Variants in CDH22 observed in about 807,000 individuals in gnomAD.
CDH22 encodes cadherin 22.
In CDH22, 30 loss-of-function variants were observed where a neutral mutation model predicts 58.4. The observed-to-expected ratio is 0.51, with a 90% CI of 0.38 to 0.70. The LOEUF (loss-of-function observed/expected upper bound fraction) is 0.70. CDH22 is among the 30% of genes least tolerant of loss of function. The pLI is 0.00. For missense variants in CDH22, 1,014 were observed against 1,233.9 expected, an observed-to-expected ratio of 0.82 and a Z score of 2.67; for synonymous variants, 513 against 558.2, an observed-to-expected ratio of 0.92 and a Z score of 1.14.
At chr20:46,217,057 C>G in intron 4 of CDH22, 64 bp from the exon 5 acceptor site, 1 of 1,505,762 alleles carries the variant, frequency 6.6e-7, no homozygotes, top group Non-Finnish European at 9.0e-7. Context: ...GTGGAGACCC[C>G]TGTACAGGCG....
At chr20:46,263,550 C>T (rs1427268232) in intron 1 of CDH22, among the ~76,000 whole-genome samples, 1 of 152,020 alleles carries the variant, frequency 6.6e-6, no homozygotes. Context: ...CAAGGAGCCC[C>T]CACATTTATA....
chr20:46,204,841 C>T (rs946166031), intron 7 of CDH22, among the ~76,000 whole-genome samples: 14 of 152,070 alleles, frequency 9.2e-5, no homozygotes, highest in African/African-American at 2.9e-4. Flanking sequence ...CTGGGGTGCA[C>T]GTGTGGTTTT....
chr20:46,185,274 C>T (rs888791628), intron 10 of CDH22, among the ~76,000 whole-genome samples: 2 of 152,096 alleles, frequency 1.3e-5, no homozygotes, highest in African/African-American at 2.4e-5. Context: ...CTGCCCCCTT[C>T]CCTCAGTCTA....
At chr20:46,259,183 A>G (rs1325179072) in intron 1 of CDH22, among the ~76,000 whole-genome samples, 2 of 152,236 alleles carry the variant, frequency 1.3e-5, no homozygotes, top group African/African-American at 4.8e-5. Context: ...GATGATGGAA[A>G]CCTAAAGACA....
chr20:46,174,166 C>A lies in CDH22; in HGVS notation c.*340G>T. The stretch of plus-strand genomic sequence containing the variant: ...TGGGGGCATCTCAGCGGCGTGCTCC[C>A]TCCAGCATTCTCCCCCAGGCCAGGA... On this transcript the variant is annotated 3_prime_UTR_variant, in exon 12 of 12. Transcript: ENST00000537909. This position sits in a 1 kb window ranked among gnomAD's most constrained non-coding sequence, Gnocchi z 4.4. The A allele has an allele frequency of 2.8e-6, 1 of 351,866 alleles. No individual in the cohort carries two copies. Among genetic ancestry groups the A allele is most frequent in the Admixed American group, 5.1e-5 (1 of 19,632 alleles). 21.8% of individuals were successfully genotyped at this position (351,866 alleles called of 1,614,324 possible).
At chr20:46,198,997 G>A (rs1478497328) in intron 8 of CDH22, among the ~76,000 whole-genome samples, 1 of 152,008 alleles carries the variant, frequency 6.6e-6, no homozygotes. Flanking sequence ...TATTATGTCC[G>A]TGCTTTCTCT....
rs957475200 is a variant in CDH22, at chr20:46,211,096, G to A, written c.1033-536C>T. On this transcript the variant is annotated intron_variant, in intron 6 of 11. Coordinates refer to ENST00000537909, the MANE Select transcript of CDH22 (RefSeq NM_021248.3). ...TAATGTGAGTTGAGCCCGATAAGCC[G>A]GGCTGCCTTAGAGCTTTCCTCTGAG... Among the ~76,000 whole-genome samples, 12 of 152,294 alleles carry A rather than the reference G, an allele frequency of 7.9e-5. No individual in the cohort carries two copies. In the East Asian group the frequency reaches 1.4e-3, roughly 17 times the overall value.
intron 1 of CDH22, among the ~76,000 whole-genome samples, chr20:46,254,511 T>C (rs1430513896): frequency 7.2e-6 from 1 of 139,852 alleles, no homozygotes; most frequent in Non-Finnish European, 1.5e-5. Flanking sequence ...GCCAAGACCA[T>C]GCCACTGCCC....
chr20:46,273,743 G>A (rs2086503849), intron 1 of CDH22, among the ~76,000 whole-genome samples: 1 of 152,216 alleles, frequency 6.6e-6, no homozygotes, highest in South Asian at 2.1e-4. Context: ...CTGCATCTTG[G>A]CAGATGAGCC....
chr20:46,299,118 C>A (rs73908675), intron 1 of CDH22, among the ~76,000 whole-genome samples: 3,643 of 152,284 alleles, frequency 0.024, 150 homozygotes, highest in African/African-American at 0.083. Flanking sequence ...TGGAGCTCCA[C>A]GCATCTGAAT....
At chr20:46,204,498 A>G (rs545915889) in intron 7 of CDH22, among the ~76,000 whole-genome samples, 1 of 152,002 alleles carries the variant, frequency 6.6e-6, no homozygotes, top group East Asian at 1.9e-4. Flanking sequence ...GAAATCCTTA[A>G]GATGGTTCTT....
At chr20:46,195,411 A>G (rs1366851777) in intron 8 of CDH22, among the ~76,000 whole-genome samples, 1 of 152,228 alleles carries the variant, frequency 6.6e-6, no homozygotes, top group Non-Finnish European at 1.5e-5. Context: ...TGAAGGGAAA[A>G]GCAGGGTGCT....
intron 7 of CDH22, among the ~76,000 whole-genome samples, chr20:46,206,382 C>T (rs1466291875): frequency 6.6e-6 from 1 of 152,192 alleles, no homozygotes; most frequent in African/African-American, 2.4e-5. Flanking sequence ...ACATGAGGCA[C>T]CTTCTACTAT....
intron 1 of CDH22, among the ~76,000 whole-genome samples, chr20:46,282,390 G>A (rs907362623): frequency 5.9e-5 from 9 of 152,058 alleles, no homozygotes; most frequent in African/African-American, 1.7e-4. Flanking sequence ...AAGGAGTCTC[G>A]CTTCCTTATT....
At chr20:46,294,133 C>A (rs2086618448) in intron 1 of CDH22, among the ~76,000 whole-genome samples, 1 of 152,202 alleles carries the variant, frequency 6.6e-6, no homozygotes, top group Non-Finnish European at 1.5e-5. Context: ...AAGGGGGCAG[C>A]TTTATGGTTT....
intron 4 of CDH22, among the ~76,000 whole-genome samples, chr20:46,221,097 G>T (rs1291405984): frequency 2.0e-5 from 3 of 152,146 alleles, no homozygotes; most frequent in Admixed American, 1.3e-4. Flanking sequence ...AGGATAAAAG[G>T]CCACATGGAG....
intron 10 of CDH22, among the ~76,000 whole-genome samples, chr20:46,181,715 T>TC (rs1568649768): frequency 3.7e-4 from 20 of 54,568 alleles, no homozygotes; most frequent in African/African-American, 1.5e-3. Context: ...TTCTTTCTTT[T>TC]TTTCCTTCCT....
chr20:46,227,527 G>A lies in CDH22; in HGVS notation c.651C>T (p.Phe217=), dbSNP rs1306321726. 9.3e-6 allele frequency: 15 copies of A among 1,608,404 alleles called. No homozygotes were observed. Among genetic ancestry groups the A allele is most frequent in the Admixed American group, 1.7e-5 (1 of 59,746 alleles). ...CCTCACCGGTCTTGGGGTCCACGGTGAAGTGGTGCTCGCCGTCCAGCACGC... is the reference window on the plus strand; with the variant it reads ...CCTCACCGGTCTTGGGGTCCACGGTAAAGTGGTGCTCGCCGTCCAGCACGC... ...VYSVLDGEHH[F]TVDPKTGVIR... The change falls in exon 4 of 12, where the codon TTC becomes TTT. Residue 217 remains phenylalanine, a synonymous_variant. Transcript: ENST00000537909.
chr20:46,283,092 G>A (rs2034880250), intron 1 of CDH22, among the ~76,000 whole-genome samples: 1 of 152,224 alleles, frequency 6.6e-6, no homozygotes, highest in Admixed American at 6.5e-5. Context: ...TTTACAGCAT[G>A]CAGTACGGCA....
Sources: allele counts gnomAD v4.1 joint callset (sites outside exome capture counted in the v4.1 genomes callset), GRCh38; gene constraint gnomAD v4.1.1; non-coding constraint Gnocchi (gnomAD v3.1); transcripts MANE v1.5; gene names NCBI Gene and HGNC (gene_info 2026-07-23, HGNC 2026-07-21).